The following RTRAF variants were observed in gnomAD, a reference collection of about 807,000 sequenced individuals.
RTRAF encodes the protein RNA transcription, translation and transport factor.
RTRAF carries 14 observed loss-of-function variants against 34.4 expected under a neutral mutation model. The observed-to-expected ratio is 0.41, with a 90% CI of 0.27 to 0.64. The LOEUF (loss-of-function observed/expected upper bound fraction) is 0.64. RTRAF is among the 30% of genes least tolerant of loss of function. The probability of loss-of-function intolerance (pLI) is 0.34; values close to 1 mark genes in which losing one functional copy is unlikely to be tolerated. For missense variants in RTRAF, 291 were observed against 288.4 expected, an observed-to-expected ratio of 1.01 and a Z score of -0.06; for synonymous variants, 96 against 95.3, an observed-to-expected ratio of 1.01 and a Z score of -0.04.
intron 3 of RTRAF, among the ~76,000 whole-genome samples, chr14:51,995,109 GAT>G (rs1890498418): frequency 6.6e-6 from 1 of 152,050 alleles, no homozygotes; most frequent in East Asian, 1.9e-4. Flanking sequence ...TTTGTAAACT[GAT>G]ACTCAGCTTT....
At chr14:52,003,006 T>A (rs1266389) in intron 6 of RTRAF, among the ~76,000 whole-genome samples, 1,539 of 152,326 alleles carry the variant, frequency 0.01, 30 homozygotes, top group African/African-American at 0.035. Flanking sequence ...AATCATTCAT[T>A]CATTCATTCC....
chr14:52,002,687 G>A (rs949083140), intron 6 of RTRAF, among the ~76,000 whole-genome samples: 2 of 152,220 alleles, frequency 1.3e-5, no homozygotes, highest in African/African-American at 2.4e-5. Context: ...CAGCAGCAGT[G>A]TCTGATAACA....
rs1265028531 is a variant in RTRAF at position 51,998,558 on chromosome 14, A to C, written c.351A>C (p.Ala117=). 1.9e-6 allele frequency: 3 copies of C among 1,593,816 alleles called. No individual in the cohort carries two copies. Among genetic ancestry groups the C allele is most frequent in the African/African-American group, 1.4e-5 (1 of 73,696 alleles). Residue 117 remains alanine, a synonymous_variant, in exon 4 of 8, where the codon GCA becomes GCC. Transcript: ENST00000261700. ...CTGCTGACAATGCAACTAAAAATGCAGAACCATTGATCAATTTGGATGGTG... is the reference window on the plus strand; with the variant it reads ...CTGCTGACAATGCAACTAAAAATGCCGAACCATTGATCAATTTGGATGGTG... The part of the protein sequence containing the change: ...SKTADNATKN[A]EPLINLDVNN...
chr14:52,004,169 T>C (rs1013199502), intron 6 of RTRAF, 25 bp from the exon 7 acceptor site: 28 of 1,593,794 alleles, frequency 1.8e-5, no homozygotes, highest in South Asian at 3.3e-5. Context: ...ATAAATACTC[T>C]CATTTTGTCT....
intron 3 of RTRAF, among the ~76,000 whole-genome samples, chr14:51,995,785 ACTT>A (rs1328558706): frequency 3.3e-5 from 5 of 152,012 alleles, no homozygotes; most frequent in Non-Finnish European, 7.4e-5. Context: ...TCAATTTGAG[ACTT>A]CGTTTACTTT....
chr14:51,998,314 CCATTTTATATATG>C, intron 3 of RTRAF, 167 bp from the exon 4 acceptor site: 1 of 463,102 alleles, frequency 2.2e-6, no homozygotes, highest in Non-Finnish European at 3.9e-6. Flanking sequence ...CCAAAATATC[CCATTTTATATATG>C]CAGATAATCC....
intron 1 of RTRAF, among the ~76,000 whole-genome samples, chr14:51,990,535 C>T (rs1199161685): frequency 6.6e-6 from 1 of 152,196 alleles, no homozygotes; most frequent in African/African-American, 2.4e-5. Context: ...AAAATAATTT[C>T]TAAGCAGGAT....
rs1890951793 is a variant in RTRAF at position 52,010,074 on chromosome 14, T to C, written c.*5558T>C. ...CTATGCAAAGAGTTTTTAAGAGGGC[T>C]ATTAATTCCTGTTAAGTCAACTGGA... On this transcript the variant is annotated 3_prime_UTR_variant, in exon 8 of 8. Coordinates refer to ENST00000261700, the MANE Select transcript of RTRAF (RefSeq NM_016039.3). 1 of 152,194 alleles carries C rather than the reference T, an allele frequency of 6.6e-6. No individual in the cohort carries two copies. Among genetic ancestry groups the C allele is most frequent in the Non-Finnish European group, 1.5e-5 (1 of 68,034 alleles). The allele number at this position is 152,194 out of a possible 1,614,324, so 9.4% of individuals were successfully genotyped here.
At chr14:51,993,465 C>T (rs1343780731) in intron 2 of RTRAF, among the ~76,000 whole-genome samples, 1 of 152,088 alleles carries the variant, frequency 6.6e-6, no homozygotes, top group Non-Finnish European at 1.5e-5. Flanking sequence ...GTTGTGTAAC[C>T]CTTGGCAAGT....
chr14:52,002,020 T>G, intron 6 of RTRAF, 154 bp downstream of exon 6: 1 of 668,428 alleles, frequency 1.5e-6, no homozygotes, highest in Non-Finnish European at 2.5e-6. Context: ...TAAAGCAAAT[T>G]GAATGTATTC....
chr14:51,991,611 G>A (rs1392923583), intron 2 of RTRAF, among the ~76,000 whole-genome samples, 170 bp downstream of exon 2: 1 of 152,136 alleles, frequency 6.6e-6, no homozygotes, highest in African/African-American at 2.4e-5. Context: ...TGCTTTTAGA[G>A]CAAATTATTT....
intron 4 of RTRAF, among the ~76,000 whole-genome samples, chr14:51,999,045 C>T (rs753259414): frequency 6.6e-6 from 1 of 151,868 alleles, no homozygotes; most frequent in Non-Finnish European, 1.5e-5. Flanking sequence ...TAGGAGTTAA[C>T]CCTTTTGAAT....
chr14:51,999,503 A>G (rs934025121), intron 4 of RTRAF: 5 of 471,838 alleles, frequency 1.1e-5, no homozygotes, highest in African/African-American at 7.8e-5. Flanking sequence ...CTCATACAGT[A>G]ATAGGAAAAC....
intron 5 of RTRAF, 54 bp downstream of exon 5, chr14:51,999,850 T>C: frequency 7.9e-7 from 1 of 1,272,706 alleles, no homozygotes; most frequent in Non-Finnish European, 1.1e-6. Flanking sequence ...GAAAAATGTC[T>C]TTATTTTCTA....
At chr14:51,994,852 A>G (rs1890493510) in intron 3 of RTRAF, among the ~76,000 whole-genome samples, 1 of 152,184 alleles carries the variant, frequency 6.6e-6, no homozygotes, top group Non-Finnish European at 1.5e-5. Context: ...TTAGAATAAT[A>G]GTGCTTCCTG....
rs1055480308 is a variant in RTRAF, at chr14:52,001,811, T to G, written c.476T>G (p.Leu159Trp). The G allele has an allele frequency of 6.2e-7, 1 of 1,612,026 alleles. No individual in the cohort carries two copies. Among genetic ancestry groups the G allele is most frequent in the African/African-American group, 1.3e-5 (1 of 74,746 alleles). Residue 159 changes from leucine (L) to tryptophan (W), a missense_variant, in exon 6 of 8, where the codon TTG (leucine) becomes TGG (tryptophan). Physicochemically the swap from Leu to Trp is moderately conservative, Grantham distance 61. Transcript: ENST00000261700. ...TGGGTTTCTTAGGCAATTCGGATTT[T>G]GGTTCAGGAGCGCCTGACACAGGAT... ...YLVMLKAIRI[L>W]VQERLTQDAV...
Position 52,006,150 on chromosome 14 carries a change from C to T in RTRAF, c.*1634C>T, listed in dbSNP as rs74049324. On this transcript the variant is annotated 3_prime_UTR_variant, in exon 8 of 8. Transcript: ENST00000261700. ...GAGAACTAGTCTAAATAGTATTTTTCGGTCCCTCAGACAATATGTCCACAG... is the reference window on the plus strand; with the variant it reads ...GAGAACTAGTCTAAATAGTATTTTTTGGTCCCTCAGACAATATGTCCACAG... The T allele has an allele frequency of 0.11, 44,352 of 411,814 alleles. 2,869 individuals are homozygous for T. Among genetic ancestry groups the T allele is most frequent in the African/African-American group, 0.18 (9,157 of 49,986 alleles). The allele number at this position is 411,814 out of a possible 1,614,324, so 25.5% of individuals were successfully genotyped here.
chr14:52,005,469 C>G lies in RTRAF; in HGVS notation c.*953C>G. On this transcript the variant is annotated 3_prime_UTR_variant, in exon 8 of 8. Coordinates refer to ENST00000261700, the MANE Select transcript of RTRAF (RefSeq NM_016039.3). ...GTTCTGATTGTAAACTCCAAGTCTT[C>G]CTTTACATTACTGTACTTACTTTCT... 1 of 1,585,178 alleles carries G rather than the reference C, an allele frequency of 6.3e-7. No individual in the cohort carries two copies. The highest frequency in any genetic ancestry group is 8.6e-7 in the Non-Finnish European group (1 of 1,168,558).
At chr14:51,993,524 C>T (rs1173217469) in intron 2 of RTRAF, among the ~76,000 whole-genome samples, 199 bp from the exon 3 acceptor site, 1 of 152,028 alleles carries the variant, frequency 6.6e-6, no homozygotes, top group Admixed American at 6.5e-5. Flanking sequence ...AGGAAGTTGT[C>T]GTATTCTATT....
Sources: gnomAD v4.1 joint callset for allele counts (sites outside exome capture counted in the v4.1 genomes callset) on GRCh38, gnomAD v4.1.1 for gene constraint, MANE v1.5 for transcripts, NCBI Gene and HGNC (gene_info 2026-07-23, HGNC 2026-07-21) for gene names.